FAR2: variants seen among roughly 807,000 people sequenced by gnomAD.
FAR2 encodes the protein epididymis secretory protein Li 81.
A neutral mutation model predicts 56.0 loss-of-function variants in FAR2; 19 were observed. The observed-to-expected ratio is 0.34, with a 90% CI of 0.24 to 0.50. The LOEUF (loss-of-function observed/expected upper bound fraction) is 0.50, where lower values mean the gene tolerates loss of function less well. Among genes scored for constraint, FAR2 ranks in the 20% least tolerant of loss-of-function variants. The pLI is 0.98. For missense variants in FAR2, 508 were observed against 642.2 expected (o/e 0.79, Z 2.26); for synonymous variants, 219 against 218.8 (o/e 1.00, Z -0.01).
chr12:29,210,909 G>C (rs1263418327), intron 1 of FAR2, among the ~76,000 whole-genome samples: 1 of 151,562 alleles, frequency 6.6e-6, no homozygotes, highest in Non-Finnish European at 1.5e-5. Context: ...TTGTGCCACT[G>C]TACTGGGTGT....
intron 1 of FAR2, among the ~76,000 whole-genome samples, chr12:29,267,708 T>C (rs560084688): frequency 6.6e-6 from 1 of 152,338 alleles, no homozygotes; most frequent in African/African-American, 2.4e-5. Flanking sequence ...CCAAAAGTGT[T>C]CTTCATAGTA....
chr12:29,324,725 G>A (rs965496168), intron 10 of FAR2, among the ~76,000 whole-genome samples: 8 of 152,134 alleles, frequency 5.3e-5, no homozygotes, highest in African/African-American at 1.9e-4. Context: ...CACCAGGCCT[G>A]CCCTAAAAGA....
chr12:29,257,974 C>G (rs1948354431), intron 1 of FAR2, among the ~76,000 whole-genome samples: 1 of 152,128 alleles, frequency 6.6e-6, no homozygotes, highest in South Asian at 2.1e-4. Flanking sequence ...AAGCAAAGCT[C>G]TATAGCCTTA....
chr12:29,241,550 T>C (rs1203251524), intron 1 of FAR2, among the ~76,000 whole-genome samples: 1 of 152,222 alleles, frequency 6.6e-6, no homozygotes, highest in Non-Finnish European at 1.5e-5. Flanking sequence ...AATTCTCTTA[T>C]TTCTTTTTTT....
At chr12:29,326,562 G>A (rs1224777960) in intron 10 of FAR2, among the ~76,000 whole-genome samples, 1 of 152,218 alleles carries the variant, frequency 6.6e-6, no homozygotes, top group African/African-American at 2.4e-5. Context: ...CCATGATCAA[G>A]TGGGCTTCAT....
chr12:29,254,778 C>A (rs1041466913), intron 1 of FAR2, among the ~76,000 whole-genome samples: 1 of 151,794 alleles, frequency 6.6e-6, no homozygotes, highest in Non-Finnish European at 1.5e-5. Flanking sequence ...ATGGTGAAAC[C>A]CCATCTCTAC....
chr12:29,328,390 C>G (rs1949680621), intron 10 of FAR2, among the ~76,000 whole-genome samples: 1 of 152,156 alleles, frequency 6.6e-6, no homozygotes, highest in African/African-American at 2.4e-5. Flanking sequence ...TTTGACCCAG[C>G]CATCCCATTA....
chr12:29,284,761 A>C (rs926328318), intron 2 of FAR2, among the ~76,000 whole-genome samples: 1 of 152,188 alleles, frequency 6.6e-6, no homozygotes, highest in Non-Finnish European at 1.5e-5. Context: ...AAAACAAAAA[A>C]CTTTGAATTA....
chr12:29,167,503 T>C (rs1013752396), intron 1 of FAR2, among the ~76,000 whole-genome samples: 1 of 152,192 alleles, frequency 6.6e-6, no homozygotes, highest in Non-Finnish European at 1.5e-5. Flanking sequence ...TCCTTTTCAG[T>C]CTCTCAGAGC....
At chr12:29,198,047 C>G (rs1222291593) in intron 1 of FAR2, among the ~76,000 whole-genome samples, 1 of 152,128 alleles carries the variant, frequency 6.6e-6, no homozygotes, top group Non-Finnish European at 1.5e-5. Context: ...ATTGCTGCCT[C>G]TTTATTTATA....
chr12:29,185,558 T>A (rs1453444633), intron 1 of FAR2, among the ~76,000 whole-genome samples: 2 of 152,124 alleles, frequency 1.3e-5, no homozygotes, highest in Non-Finnish European at 2.9e-5. Flanking sequence ...AGACATTAGG[T>A]AAATATATTA....
At position 29,163,793 on chromosome 12, in the gene FAR2, C is replaced by T. The variant is rs532461698; in HGVS notation, c.-39+14386C>T. Among the ~76,000 whole-genome samples, 28 of 152,286 alleles carry T rather than the reference C, an allele frequency of 1.8e-4. No individual in the cohort carries two copies. The South Asian group carries it at 5.6e-3, about 30-fold the overall frequency. ...TTTTTAGGTTGGAAGAAACCATTTC[C>T]ATCATTTTATTTCAGTGTGGTAGAG... On this transcript the variant is annotated intron_variant, in intron 1 of 11. Transcript: ENST00000536681.
chr12:29,216,399 C>T (rs1349270433), intron 1 of FAR2, among the ~76,000 whole-genome samples: 2 of 152,150 alleles, frequency 1.3e-5, no homozygotes, highest in East Asian at 1.9e-4. Context: ...TTTGGTCACA[C>T]ACAGTTCATG....
At chr12:29,302,072 T>A (rs1312625041) in intron 4 of FAR2, 1 of 151,524 alleles carries the variant, frequency 6.6e-6, no homozygotes, top group East Asian at 1.9e-4. Context: ...CTACTAAAAA[T>A]ACAAAAAATT....
At chr12:29,253,242 TATATATCG>T (rs1565489333) in intron 1 of FAR2, among the ~76,000 whole-genome samples, 1,689 of 67,554 alleles carry the variant, frequency 0.025, 178 homozygotes, top group African/African-American at 0.067. Flanking sequence ...GATAGATATC[TATATATCG>T]ATATCTATCT....
At chr12:29,255,622 T>G (rs1565490513) in intron 1 of FAR2, among the ~76,000 whole-genome samples, 1 of 152,120 alleles carries the variant, frequency 6.6e-6, no homozygotes, top group African/African-American at 2.4e-5. Context: ...CTTTTTTCTT[T>G]TTTTTTCTTT....
At chr12:29,203,655 T>C (rs1384198653) in intron 1 of FAR2, among the ~76,000 whole-genome samples, 2 of 152,084 alleles carry the variant, frequency 1.3e-5, no homozygotes, top group South Asian at 4.1e-4. Flanking sequence ...TTGGGCATGG[T>C]GTGTGAGAAC....
At chr12:29,315,602 CAG>C (rs1385547796) in intron 8 of FAR2, among the ~76,000 whole-genome samples, 1 of 152,130 alleles carries the variant, frequency 6.6e-6, no homozygotes, top group East Asian at 1.9e-4. Context: ...TGGTTTGGAT[CAG>C]AGACACAGAA....
intron 4 of FAR2, among the ~76,000 whole-genome samples, chr12:29,303,691 T>C (rs915219836): frequency 6.6e-6 from 1 of 152,180 alleles, no homozygotes; most frequent in Non-Finnish European, 1.5e-5. Context: ...TAGAACACAT[T>C]GTTAACACTA....
Sources: allele counts gnomAD v4.1 joint callset (sites outside exome capture counted in the v4.1 genomes callset), GRCh38; gene constraint gnomAD v4.1.1; transcripts MANE v1.5; gene names NCBI Gene and HGNC (gene_info 2026-07-23, HGNC 2026-07-21).